Variants in DHX36 observed in about 807,000 individuals in gnomAD.
DHX36 encodes DEAH-box helicase 36, also known as ATP-dependent DNA/RNA helicase DHX36.
In DHX36, 50 loss-of-function variants were observed where a neutral mutation model predicts 139.0. The observed-to-expected ratio is 0.36, with a 90% CI of 0.29 to 0.46. The LOEUF is 0.46. Ranked by LOEUF, DHX36 falls within the 20% of genes least tolerant of loss-of-function variation. The probability of loss-of-function intolerance (pLI) is 1.00; values close to 1 mark genes in which losing one functional copy is unlikely to be tolerated. For synonymous variants in DHX36, 425 were observed against 401.9 expected (o/e 1.06, Z -0.69); for missense variants, 1,024 against 1,211.3 (o/e 0.85, Z 2.29).
intron 2 of DHX36, among the ~76,000 whole-genome samples, chr3:154,315,549 C>A (rs989912069): frequency 6.6e-6 from 1 of 152,048 alleles, no homozygotes; most frequent in South Asian, 2.1e-4. Context: ...TCCTTCACTG[C>A]GGTTACTTAC....
At position 154,324,484 on chromosome 3, in the gene DHX36, C is replaced by A. The variant is rs1451493739; in HGVS notation, c.-68G>T. ...AAATGGCGTCCGGGCCCGGAAGCCA[C>A]TGTGCGCCCACTTCCGTTTTGCTTC... On this transcript the variant is annotated 5_prime_UTR_variant, in exon 1 of 25. Transcript: ENST00000496811. 4.2e-6 allele frequency: 6 copies of A among 1,431,032 alleles called. No homozygotes were observed. The highest frequency in any genetic ancestry group is 5.5e-6 in the Non-Finnish European group (6 of 1,096,124). The allele number at this position is 1,431,032 out of a possible 1,614,324, so 88.6% of individuals were successfully genotyped here.
chr3:154,310,336 T>C (rs1712682040), intron 4 of DHX36, among the ~76,000 whole-genome samples: 1 of 152,124 alleles, frequency 6.6e-6, no homozygotes, highest in Non-Finnish European at 1.5e-5. Context: ...GAAAACCTCA[T>C]ATTTGGGTTT....
chr3:154,307,049 G>C (rs927298716), intron 5 of DHX36, among the ~76,000 whole-genome samples: 1 of 152,048 alleles, frequency 6.6e-6, no homozygotes, highest in Non-Finnish European at 1.5e-5. Flanking sequence ...AAATATTTAA[G>C]TCTAGCTACA....
rs1389639064 is a variant in DHX36, at chr3:154,300,665, T to C, written c.1390A>G (p.Met464Val). ...AGATCAACTTTATCATCCTCCATCA[T>C]TTCTATAACATCTACAGTACTTGCA... ...YSASTVDVIE[M>V]MEDDKVDLNL... Residue 464 changes from methionine (M) to valine (V), a missense_variant, in exon 11 of 25, where the codon ATG becomes GTG. By Grantham distance (21) the Met-to-Val change is conservative (BLOSUM62 1). Around this residue, in one of 4 missense-constraint regions of DHX36, gnomAD observed 115 missense variants for 105.6 expected, o/e 1.09. Coordinates refer to ENST00000496811, the MANE Select transcript of DHX36 (RefSeq NM_020865.3). The C allele has an allele frequency of 6.2e-6, 10 of 1,613,626 alleles. No individual in the cohort carries two copies. The African/African-American group carries it at 1.1e-4, about 17-fold the overall frequency.
chr3:154,292,513 G>C, intron 15 of DHX36, 38 bp downstream of exon 15: 2 of 1,608,436 alleles, frequency 1.2e-6, no homozygotes, highest in Non-Finnish European at 1.7e-6. Context: ...CAAAATTTTT[G>C]TGTGTTCTAA....
chr3:154,324,375 A>G lies in DHX36; in HGVS notation c.42T>C (p.Gly14=). 1 of 1,583,972 alleles carries G rather than the reference A, an allele frequency of 6.3e-7. No individual in the cohort carries two copies. The highest frequency in any genetic ancestry group is 8.6e-7 in the Non-Finnish European group (1 of 1,163,152). ...DYHQNWGRDG[G]PRSSGGGYGG... is the part of the protein sequence containing the mutation. ...CATAGCCCCCACCGGAGCTGCGGGG[A>G]CCCCCATCACGGCCCCAGTTCTGAT... is the stretch of plus-strand genomic sequence containing the variant. The change falls in exon 1 of 25, where the codon GGT becomes GGC. Residue 14 remains glycine, a synonymous_variant. Transcript: ENST00000496811.
intron 14 of DHX36, among the ~76,000 whole-genome samples, chr3:154,293,174 G>T (rs192854756): frequency 6.6e-6 from 1 of 152,050 alleles, no homozygotes; most frequent in African/African-American, 2.4e-5. Context: ...AGAAACAGGC[G>T]AAAGGACAAA....
intron 22 of DHX36, chr3:154,280,127 C>CT (rs1430707051): frequency 6.5e-6 from 1 of 153,476 alleles, no homozygotes; most frequent in African/African-American, 2.4e-5. Context: ...TCATGCTTCA[C>CT]TGTTGTCTCC....
chr3:154,282,648 T>A (rs1719368764), intron 20 of DHX36, among the ~76,000 whole-genome samples: 1 of 152,124 alleles, frequency 6.6e-6, no homozygotes, highest in South Asian at 2.1e-4. Flanking sequence ...AATTTGTAGA[T>A]CTGTTAAATG....
chr3:154,301,031 T>G lies in DHX36; in HGVS notation c.1314A>C (p.Ile438=), dbSNP rs763540777. ...NRQEKEEKEA[I]YKERWPDYVR... is the part of the protein sequence containing the mutation. ...CATAATCTGGCCAACGTTCTTTATA[T>G]ATTGCTTCTTTTTCTTCTTTTTCTT... The change falls in exon 10 of 25, where the codon ATA becomes ATC. Residue 438 remains isoleucine (I), a synonymous_variant. Transcript: ENST00000496811. 1 of 1,613,534 alleles carries G rather than the reference T, an allele frequency of 6.2e-7. No individual in the cohort carries two copies. The highest frequency in any genetic ancestry group is 1.1e-5 in the South Asian group (1 of 90,816).
At chr3:154,304,675 G>A (rs1576873592) in intron 8 of DHX36, 131 bp downstream of exon 8, 2 of 681,386 alleles carry the variant, frequency 2.9e-6, no homozygotes, top group Non-Finnish European at 4.5e-6. Context: ...GAAACTGGAG[G>A]GTAGAATAAT....
intron 9 of DHX36, 94 bp from the exon 10 acceptor site, chr3:154,301,221 G>A (rs2108352110): frequency 8.1e-7 from 1 of 1,236,016 alleles, no homozygotes; most frequent in Non-Finnish European, 1.1e-6. Context: ...TTTCAAAAAG[G>A]ATTCCAAAGA....
In DHX36 at chr3:154,303,417, C is replaced by G; in HGVS notation, c.1136-7G>C. 6.3e-7 allele frequency: 1 copy of G among 1,579,316 alleles called. No homozygotes were observed. Among genetic ancestry groups the G allele is most frequent in the Non-Finnish European group, 8.6e-7 (1 of 1,162,454 alleles). ...TGTATCATTGGACAGTTACCTATTA[C>G]GGCAGACAAAATATAAGCATAAATT... On this transcript the variant is annotated splice_region_variant and splice_polypyrimidine_tract_variant and intron_variant, in intron 8 of 24. Coordinates refer to ENST00000496811, the MANE Select transcript of DHX36 (RefSeq NM_020865.3).
chr3:154,304,588 T>C (rs564707024), intron 8 of DHX36, among the ~76,000 whole-genome samples: 3 of 152,154 alleles, frequency 2.0e-5, no homozygotes, highest in Non-Finnish European at 4.4e-5. Context: ...TGTGTGGTGG[T>C]AGCAACAAGA....
intron 11 of DHX36, 46 bp from the exon 12 acceptor site, chr3:154,299,971 A>G (rs1211236300): frequency 1.5e-6 from 2 of 1,296,564 alleles, no homozygotes. Context: ...CATCAACAAA[A>G]TGCAGTAACA....
intron 12 of DHX36, among the ~76,000 whole-genome samples, chr3:154,298,388 A>C (rs1712128074): frequency 6.6e-6 from 1 of 152,180 alleles, no homozygotes; most frequent in African/African-American, 2.4e-5. Flanking sequence ...TGTTTGAAAA[A>C]TTCAGCTGTC....
chr3:154,296,273 G>A (rs1305277946), intron 12 of DHX36, among the ~76,000 whole-genome samples: 2 of 152,082 alleles, frequency 1.3e-5, no homozygotes, highest in African/African-American at 2.4e-5. Context: ...AGGAGATCAA[G>A]ACCATCCTGG....
intron 5 of DHX36, among the ~76,000 whole-genome samples, chr3:154,307,346 A>G (rs1467890475): frequency 6.6e-6 from 1 of 152,218 alleles, no homozygotes; most frequent in Non-Finnish European, 1.5e-5. Flanking sequence ...CCAGAACGGA[A>G]GAAAATATGT....
chr3:154,290,732 C>T (rs1711760695), intron 15 of DHX36, among the ~76,000 whole-genome samples: 1 of 151,066 alleles, frequency 6.6e-6, no homozygotes, highest in Non-Finnish European at 1.5e-5. Flanking sequence ...GCTATAGGAA[C>T]AAAAATGAAT....
Sources: gnomAD v4.1 joint callset for allele counts (sites outside exome capture counted in the v4.1 genomes callset) on GRCh38, gnomAD v4.1.1 for gene constraint, gnomAD v4.1.1 regional missense constraint, MANE v1.5 for transcripts, NCBI Gene and HGNC (gene_info 2026-07-23, HGNC 2026-07-21) for gene names.